The following ARPP21 variants were observed in gnomAD, a reference collection of about 807,000 sequenced individuals.
The protein encoded by ARPP21 is cAMP-regulated phosphoprotein 21.
In ARPP21, 69 loss-of-function variants were observed where a neutral mutation model predicts 113.2. That is an observed-to-expected ratio of 0.61 (90% CI 0.50 to 0.74). The LOEUF (loss-of-function observed/expected upper bound fraction) is 0.74. Among genes scored for constraint, ARPP21 ranks in the 30% least tolerant of loss-of-function variants. The pLI, the probability that ARPP21 is intolerant of heterozygous loss-of-function variation, is 0.00. For missense variants in ARPP21, 1,070 were observed against 1,037.4 expected, an observed-to-expected ratio of 1.03 and a Z score of -0.43; for synonymous variants, 368 against 375.5, an observed-to-expected ratio of 0.98 and a Z score of 0.23.
intron 1 of ARPP21, among the ~76,000 whole-genome samples, chr3:35,663,732 C>A (rs892864567): frequency 3.9e-5 from 6 of 152,032 alleles, no homozygotes; most frequent in Non-Finnish European, 8.8e-5. Context: ...GCACGCTCAC[C>A]CCCACAGTCC....
At chr3:35,743,751 C>T (rs2094830074) in intron 18 of ARPP21, 88 bp from the exon 19 acceptor site, 4 of 1,431,976 alleles carry the variant, frequency 2.8e-6, no homozygotes, top group Non-Finnish European at 2.0e-6. Context: ...CAACCTACCA[C>T]AATTATAAGA....
chr3:35,640,354 A>G lies in ARPP21; in HGVS notation c.-257A>G, dbSNP rs1302072044. On this transcript the variant is annotated 5_prime_UTR_variant, in exon 1 of 21. Transcript: ENST00000684406. ...TAAAATCCAAAACTAAATCAAACCA[A>G]TCAAGGCACCAAGACGCAGGGGGGA... The G allele has an allele frequency of 6.6e-6, 1 of 152,180 alleles. No homozygotes were observed. Among genetic ancestry groups the G allele is most frequent in the East Asian group, 1.9e-4 (1 of 5,198 alleles). 9.4% of individuals were successfully genotyped at this position (152,180 alleles called of 1,614,324 possible). A position where few individuals can be genotyped will look rare whatever the true frequency, so the allele number is the denominator to read the frequency against.
chr3:35,642,281 G>A (rs943300809), intron 1 of ARPP21: 30 of 152,260 alleles, frequency 2.0e-4, no homozygotes, highest in Non-Finnish European at 3.7e-4. Context: ...CTCCACTGGG[G>A]AGTTCTGTGC....
chr3:35,643,000 G>C (rs1698711933), intron 1 of ARPP21, among the ~76,000 whole-genome samples: 3 of 152,044 alleles, frequency 2.0e-5, no homozygotes, highest in African/African-American at 7.2e-5. Flanking sequence ...TCACAATAAA[G>C]GGCAAAATAT....
Position 35,729,376 on chromosome 3 carries a change from C to G in ARPP21, c.1299C>G (p.Pro433=). 3 of 1,614,200 alleles carry G rather than the reference C, an allele frequency of 1.9e-6. No individual in the cohort carries two copies. The highest frequency in any genetic ancestry group is 2.5e-6 in the Non-Finnish European group (3 of 1,180,030). ...SRTHPPLQST[P]LVSGVAAGSP... ...CCCATCCACCTCTCCAGAGCACACC[C>G]CTAGTCTCAGGTGTGGCAGCTGGCT... The change falls in exon 15 of 21, where the codon CCC becomes CCG. Residue 433 remains proline, a synonymous_variant. Coordinates refer to ENST00000684406, the MANE Select transcript of ARPP21 (RefSeq NM_001385562.1).
At chr3:35,731,628 A>G (rs1027326251) in intron 15 of ARPP21, among the ~76,000 whole-genome samples, 1 of 151,604 alleles carries the variant, frequency 6.6e-6, no homozygotes, top group Non-Finnish European at 1.5e-5. Context: ...TGCATGTTAT[A>G]TATATATAGG....
chr3:35,737,146 C>G (rs377310823), intron 15 of ARPP21, 32 bp from the exon 16 acceptor site: 1 of 1,380,872 alleles, frequency 7.2e-7, no homozygotes, highest in Non-Finnish European at 1.0e-6. Flanking sequence ...GATTGAGAAG[C>G]TTACCTGGAC....
chr3:35,661,693 C>T (rs1412004689), intron 1 of ARPP21, among the ~76,000 whole-genome samples: 1 of 152,108 alleles, frequency 6.6e-6, no homozygotes, highest in Non-Finnish European at 1.5e-5. Context: ...CAAAAGAGTA[C>T]TTTTGTAGGC....
chr3:35,748,114 A>AAAAGAAAGAAAGAAAG (rs2095230888), intron 19 of ARPP21, among the ~76,000 whole-genome samples: 5 of 90,724 alleles, frequency 5.5e-5, no homozygotes, highest in African/African-American at 1.7e-4. Context: ...AAGAAAGAAG[A>AAAAGAAAGAAAGAAAG]AAGAAAGAAA....
At chr3:35,703,642 A>G (rs541637770) in intron 9 of ARPP21, among the ~76,000 whole-genome samples, 2 of 151,984 alleles carry the variant, frequency 1.3e-5, no homozygotes, top group East Asian at 3.9e-4. Flanking sequence ...AAAATCTACC[A>G]GAAAAAAAAA....
chr3:35,731,369 T>C lies in ARPP21; in HGVS notation c.1459+1833T>C, dbSNP rs1324471776. 2.0e-5 allele frequency among the ~76,000 whole-genome samples: 3 copies of C among 152,312 alleles called. No homozygotes were observed. In the East Asian group the frequency reaches 5.8e-4, roughly 29 times the overall value. ...TAGAGCTGTTATCAAAATATCTCTTTTGTAAAAGGATCCCAGCTAAGGAAA... is the reference window on the plus strand; with the variant it reads ...TAGAGCTGTTATCAAAATATCTCTTCTGTAAAAGGATCCCAGCTAAGGAAA... On this transcript the variant is annotated intron_variant, in intron 15 of 20. Transcript: ENST00000684406.
intron 1 of ARPP21, among the ~76,000 whole-genome samples, chr3:35,673,250 C>A (rs893457502): frequency 6.6e-6 from 1 of 152,016 alleles, no homozygotes; most frequent in Non-Finnish European, 1.5e-5. Flanking sequence ...TGCCCTCTGT[C>A]CCTCCCTTTT....
intron 11 of ARPP21, among the ~76,000 whole-genome samples, chr3:35,710,218 G>C (rs1559700153): frequency 2.0e-5 from 3 of 152,106 alleles, no homozygotes; most frequent in African/African-American, 7.2e-5. Context: ...GAGAGAGGGA[G>C]ATGGAAGTTA....
At chr3:35,706,077 T>C (rs976988888) in intron 9 of ARPP21, among the ~76,000 whole-genome samples, 8 of 152,182 alleles carry the variant, frequency 5.3e-5, no homozygotes, top group African/African-American at 1.4e-4. Flanking sequence ...GAAAACCTTC[T>C]AGGCTTCAGA....
At chr3:35,690,762 G>A in intron 8 of ARPP21, 103 bp from the exon 9 acceptor site, 1 of 1,084,704 alleles carries the variant, frequency 9.2e-7, no homozygotes, top group African/African-American at 1.6e-5. Context: ...TAGGCTTAGT[G>A]GTTTAGATGA....
chr3:35,767,689 G>A (rs191016531), intron 19 of ARPP21, among the ~76,000 whole-genome samples: 32 of 152,250 alleles, frequency 2.1e-4, no homozygotes, highest in Admixed American at 1.8e-3. Context: ...GTCCTATCAT[G>A]AAATTTCAGA....
intron 9 of ARPP21, among the ~76,000 whole-genome samples, chr3:35,697,146 G>A (rs1055885410): frequency 6.6e-6 from 1 of 151,552 alleles, no homozygotes; most frequent in East Asian, 1.9e-4. Flanking sequence ...TAATTTTCAT[G>A]TTAAAAGATT....
rs187401457 is a variant in ARPP21, at chr3:35,674,390, A to G, written c.-212-5397A>G. Among the ~76,000 whole-genome samples the G allele has an allele frequency of 4.6e-5, 7 of 152,104 alleles. No individual in the cohort carries two copies. The East Asian group carries it at 7.8e-4, about 17-fold the overall frequency. ...CTGTGAAATTTGTTTCAGTTACACA[A>G]GGAATCATGAGGCCATTGCTCAAGT... On this transcript the variant is annotated intron_variant, in intron 1 of 20. Coordinates refer to ENST00000684406, the MANE Select transcript of ARPP21 (RefSeq NM_001385562.1).
At chr3:35,641,108 G>C (rs1319266251) in intron 1 of ARPP21, 1 of 152,174 alleles carries the variant, frequency 6.6e-6, no homozygotes, top group East Asian at 1.9e-4. Context: ...GAAAGTTATA[G>C]GGGTGGGCAG....
Sources: gnomAD v4.1 joint callset for allele counts (sites outside exome capture counted in the v4.1 genomes callset) on GRCh38, gnomAD v4.1.1 for gene constraint, MANE v1.5 for transcripts, NCBI Gene and HGNC (gene_info 2026-07-23, HGNC 2026-07-21) for gene names.